The following LYZL1 variants were observed in gnomAD, a reference collection of about 807,000 sequenced individuals.
The protein encoded by LYZL1 is lysozyme like 1.
A neutral mutation model predicts 17.9 loss-of-function variants in LYZL1; 16 were observed. The observed-to-expected ratio is 0.90, with a 90% CI of 0.61 to 1.36. The LOEUF is 1.36. Ranked by LOEUF, LYZL1 falls within the 40% of genes most tolerant of loss-of-function variation. LYZL1 has a pLI of 0.00. For synonymous variants in LYZL1, 58 were observed against 71.8 expected, an observed-to-expected ratio of 0.81 and a Z score of 0.97; for missense variants, 149 against 188.4, an observed-to-expected ratio of 0.79 and a Z score of 1.22.
chr10:29,292,757 C>T, intron 3 of LYZL1, 80 bp downstream of exon 3: 15 of 1,532,806 alleles, frequency 9.8e-6, no homozygotes, highest in Non-Finnish European at 1.3e-5. Flanking sequence ...CCATGTCTTG[C>T]TTTAACTAAA....
chr10:29,297,942 A>C (rs1244086659), intron 3 of LYZL1, among the ~76,000 whole-genome samples: 1 of 152,238 alleles, frequency 6.6e-6, no homozygotes. Context: ...AGTCTTCAAA[A>C]TTCTTAGGGA....
intron 3 of LYZL1, among the ~76,000 whole-genome samples, chr10:29,300,822 T>G (rs1473878430): frequency 6.6e-6 from 1 of 152,172 alleles, no homozygotes; most frequent in East Asian, 1.9e-4. Context: ...TGTTCTCCTC[T>G]CAAGTTGTTG....
At chr10:29,316,941 G>C (rs1489464877) in intron 3 of LYZL1, among the ~76,000 whole-genome samples, 1 of 152,056 alleles carries the variant, frequency 6.6e-6, no homozygotes, top group Non-Finnish European at 1.5e-5. Flanking sequence ...TGTTCTTGAA[G>C]TGCTGGGCTC....
chr10:29,301,921 T>A (rs991238580), intron 3 of LYZL1, among the ~76,000 whole-genome samples: 1 of 150,108 alleles, frequency 6.7e-6, no homozygotes, highest in Non-Finnish European at 1.5e-5. Flanking sequence ...CTTTTTTTTT[T>A]AATGCTAATC....
chr10:29,296,498 A>G (rs1235191483), intron 3 of LYZL1, among the ~76,000 whole-genome samples: 1 of 152,206 alleles, frequency 6.6e-6, no homozygotes, highest in Admixed American at 6.5e-5. Context: ...GCATTCACCT[A>G]CTGACTGCCC....
intron 3 of LYZL1, among the ~76,000 whole-genome samples, chr10:29,308,729 C>A (rs1045065210): frequency 1.3e-5 from 2 of 152,148 alleles, no homozygotes; most frequent in African/African-American, 4.8e-5. Context: ...GGAGCCAAGG[C>A]AGGAGGATCA....
downstream of LYZL1, among the ~76,000 whole-genome samples, chr10:29,313,941 T>C (rs1438207051): frequency 1.3e-5 from 2 of 152,228 alleles, no homozygotes; most frequent in Non-Finnish European, 2.9e-5. Flanking sequence ...CAGCTCTGCC[T>C]GATTCTTGGG....
chr10:29,308,410 A>G (rs1835625166), intron 3 of LYZL1, among the ~76,000 whole-genome samples: 1 of 152,208 alleles, frequency 6.6e-6, no homozygotes. Context: ...CCGTCTGCCC[A>G]TCCTGCTTCC....
intron 2 of LYZL1, 138 bp from the exon 3 acceptor site, chr10:29,292,381 G>T (rs866671628): frequency 4.5e-6 from 6 of 1,345,612 alleles, no homozygotes; most frequent in African/African-American, 4.4e-5. Context: ...CCCCCTGGGC[G>T]CATGCCCGCC....
intron 3 of LYZL1, among the ~76,000 whole-genome samples, chr10:29,300,383 TATATAAC>T (rs1372252780): frequency 6.6e-6 from 1 of 152,240 alleles, no homozygotes; most frequent in African/African-American, 2.4e-5. Context: ...CACCACTTCA[TATATAAC>T]ATATGAGTTT....
chr10:29,293,246 C>T (rs934372023), intron 3 of LYZL1, among the ~76,000 whole-genome samples: 1 of 150,248 alleles, frequency 6.7e-6, no homozygotes, highest in Non-Finnish European at 1.5e-5. Flanking sequence ...GATCCTCCCT[C>T]CTCTGGGTAG....
chr10:29,312,977 C>G (rs1835690616), downstream of LYZL1, among the ~76,000 whole-genome samples: 1 of 152,192 alleles, frequency 6.6e-6, no homozygotes, highest in Admixed American at 6.5e-5. Flanking sequence ...CTGATGGATA[C>G]TGTGACAGCG....
At chr10:29,312,770 C>T (rs142575785), downstream of LYZL1, among the ~76,000 whole-genome samples, 105 of 152,268 alleles carry the variant, frequency 6.9e-4, no homozygotes, top group African/African-American at 2.5e-3. Flanking sequence ...TTTTCTCTTG[C>T]CCATTATCAA....
chr10:29,318,313 C>T, exon 5 of LYZL1: 1 of 377,086 alleles, frequency 2.7e-6, no homozygotes, highest in Non-Finnish European at 3.6e-6. Flanking sequence ...AAAATAAAGC[C>T]CAGATTCATA....
At position 29,307,696 on chromosome 10, in the gene LYZL1, G is replaced by T. The variant is rs552335023; in HGVS notation, c.299-2414G>T. Among the ~76,000 whole-genome samples, 9 of 152,292 alleles carry T rather than the reference G, an allele frequency of 5.9e-5. No individual in the cohort carries two copies. The East Asian group carries it at 1.7e-3, about 29-fold the overall frequency. ...TAAATGGCTGTTTATTTTATTAAAT[G>T]AAGGTATTATGATTAATTTGAACAT... On this transcript the variant is annotated intron_variant, in intron 3 of 4. Transcript: ENST00000649382.
rs151219084 is a variant in LYZL1, at chr10:29,303,134, G to A, written c.299-6976G>A. Among the ~76,000 whole-genome samples the A allele has an allele frequency of 3.3e-5, 5 of 152,288 alleles. No homozygotes were observed. The East Asian group carries it at 9.7e-4, about 29-fold the overall frequency. ...CCTAGCCCTGTGGAAATTTACCTGT[G>A]CATACCCAGTTTAGCCTTCAGTCAA... On this transcript the variant is annotated intron_variant, in intron 3 of 4. Transcript: ENST00000649382.
chr10:29,309,381 A>T (rs1835640435), intron 3 of LYZL1, among the ~76,000 whole-genome samples: 1 of 152,184 alleles, frequency 6.6e-6, no homozygotes, highest in Non-Finnish European at 1.5e-5. Context: ...CTGGATAAAA[A>T]TTTTTTAAGG....
At chr10:29,290,831 T>A (rs984600327) in intron 1 of LYZL1, among the ~76,000 whole-genome samples, 1 of 135,010 alleles carries the variant, frequency 7.4e-6, no homozygotes, top group Admixed American at 7.3e-5. Context: ...AGAGTGAGAT[T>A]CCATCTCAAA....
At chr10:29,292,949 T>TA (rs1321822041) in intron 3 of LYZL1, among the ~76,000 whole-genome samples, 1 of 152,142 alleles carries the variant, frequency 6.6e-6, no homozygotes, top group African/African-American at 2.4e-5. Flanking sequence ...CCCTTTCATG[T>TA]TAGAGATATT....
Sources: gnomAD v4.1 joint callset for allele counts (sites outside exome capture counted in the v4.1 genomes callset) on GRCh38, gnomAD v4.1.1 for gene constraint, MANE v1.5 for transcripts, NCBI Gene and HGNC (gene_info 2026-07-23, HGNC 2026-07-21) for gene names.